KIFAP3: variants seen among roughly 807,000 people sequenced by gnomAD.
The protein encoded by KIFAP3 is kinesin-associated protein 3.
KIFAP3 carries 68 observed loss-of-function variants against 106.5 expected under a neutral mutation model. The ratio of observed to expected loss-of-function variants is 0.64; its 90% CI spans 0.53 to 0.78. The LOEUF is 0.78. Among genes scored for constraint, KIFAP3 ranks in the 30% least tolerant of loss-of-function variants. KIFAP3 has a pLI of 0.00. For synonymous variants in KIFAP3, 320 were observed against 311.5 expected, an observed-to-expected ratio of 1.03 and a Z score of -0.29; for missense variants, 780 against 941.8, an observed-to-expected ratio of 0.83 and a Z score of 2.25.
At chr1:169,992,093 G>C (rs1667134893) in intron 11 of KIFAP3, 62 bp downstream of exon 11, 1 of 743,118 alleles carries the variant, frequency 1.3e-6, no homozygotes, top group African/African-American at 1.9e-5. Context: ...CAAATCAAGA[G>C]AAAAGAGTAA....
chr1:170,047,473 T>C (rs1179569124), intron 2 of KIFAP3, among the ~76,000 whole-genome samples: 1 of 151,676 alleles, frequency 6.6e-6, no homozygotes, highest in African/African-American at 2.4e-5. Context: ...TACAAAAAAT[T>C]TGCCAGGTGT....
At chr1:169,984,079 T>G (rs917928899) in intron 12 of KIFAP3, among the ~76,000 whole-genome samples, 2 of 151,784 alleles carry the variant, frequency 1.3e-5, no homozygotes, top group Non-Finnish European at 3.0e-5. Context: ...CACTAAAATC[T>G]TACCTATGAT....
chr1:170,039,629 G>C lies in KIFAP3; in HGVS notation c.320-341C>G, dbSNP rs539793520. Among the ~76,000 whole-genome samples, 62 of 151,712 alleles carry C rather than the reference G, an allele frequency of 4.1e-4. 1 individual carries two copies. The highest frequency in any genetic ancestry group is 2.3e-3 in the South Asian group (11 of 4,818). ...CTTTCCCTTCCTAATTCAAATTTAA[G>C]GTAGGAATAGGAAAATCAATAAGGC... On this transcript the variant is annotated intron_variant, in intron 3 of 19. Transcript: ENST00000361580.
chr1:169,997,358 T>C (rs1667417134), intron 10 of KIFAP3, among the ~76,000 whole-genome samples: 1 of 151,824 alleles, frequency 6.6e-6, no homozygotes, highest in African/African-American at 2.4e-5. Flanking sequence ...ATGTTGACAA[T>C]AACATTTTTT....
At chr1:170,006,469 T>C (rs1319216337) in intron 10 of KIFAP3, among the ~76,000 whole-genome samples, 3 of 151,962 alleles carry the variant, frequency 2.0e-5, no homozygotes, top group Non-Finnish European at 2.9e-5. Context: ...GGAGGGTGGA[T>C]AGGGGAGGTG....
chr1:170,062,109 C>T (rs1571756563), intron 1 of KIFAP3, among the ~76,000 whole-genome samples: 1 of 151,150 alleles, frequency 6.6e-6, no homozygotes, highest in East Asian at 1.9e-4. Context: ...ATATGTATAC[C>T]TATGTAACAA....
intron 19 of KIFAP3, among the ~76,000 whole-genome samples, chr1:169,947,882 T>C (rs914524282): frequency 1.3e-5 from 2 of 151,490 alleles, no homozygotes; most frequent in Non-Finnish European, 3.0e-5. Flanking sequence ...TGGATATTCA[T>C]TAGTAAATGT....
At chr1:170,060,977 G>A (rs918956388) in intron 1 of KIFAP3, among the ~76,000 whole-genome samples, 2 of 152,140 alleles carry the variant, frequency 1.3e-5, no homozygotes, top group Non-Finnish European at 2.9e-5. Context: ...GCTGAAAACT[G>A]GATCCCTTCC....
chr1:169,938,998 T>C (rs1663959942), intron 19 of KIFAP3, among the ~76,000 whole-genome samples: 2 of 152,164 alleles, frequency 1.3e-5, no homozygotes, highest in African/African-American at 4.8e-5. Context: ...TGTCAAATAA[T>C]GAAGGACTTT....
Position 169,923,886 on chromosome 1 carries a change from A to G in KIFAP3, c.2274-2105T>C, listed in dbSNP as rs144653374. 5.9e-5 allele frequency among the ~76,000 whole-genome samples: 9 copies of G among 152,344 alleles called. No homozygotes were observed. The East Asian group carries it at 1.7e-3, about 29-fold the overall frequency. On this transcript the variant is annotated intron_variant, in intron 19 of 19. Coordinates refer to ENST00000361580, the MANE Select transcript of KIFAP3 (RefSeq NM_014970.4). The stretch of plus-strand genomic sequence containing the variant: ...TGGTGATCTGGTAAGCTATAACACC[A>G]TAAGGAATATCTGGCCTTTTTGCAG...
chr1:170,006,487 C>A (rs554520276), intron 10 of KIFAP3, among the ~76,000 whole-genome samples: 2 of 151,994 alleles, frequency 1.3e-5, no homozygotes, highest in South Asian at 4.2e-4. Flanking sequence ...GTGGGTGGTG[C>A]ACAGGTAGTA....
At chr1:170,032,313 A>T (rs1052934154) in intron 7 of KIFAP3, 3 of 170,140 alleles carry the variant, frequency 1.8e-5, no homozygotes, top group African/African-American at 7.1e-5. Flanking sequence ...CAAGTCTATA[A>T]CTTTCAACAG....
At chr1:169,987,603 C>T (rs1003613913) in intron 11 of KIFAP3, among the ~76,000 whole-genome samples, 1 of 152,028 alleles carries the variant, frequency 6.6e-6, no homozygotes, top group East Asian at 1.9e-4. Flanking sequence ...TAATGGCAGG[C>T]AAGAGCAAAG....
At chr1:170,071,123 T>C (rs1030888702) in intron 1 of KIFAP3, among the ~76,000 whole-genome samples, 8 of 152,338 alleles carry the variant, frequency 5.3e-5, no homozygotes, top group Non-Finnish European at 1.2e-4. Context: ...TGAATTCTTA[T>C]ACATTGCTGG....
chr1:170,040,832 C>CTTT (rs776420489), intron 3 of KIFAP3, among the ~76,000 whole-genome samples: 1 of 142,860 alleles, frequency 7.0e-6, no homozygotes, highest in African/African-American at 2.6e-5. Context: ...TCTATTTTTG[C>CTTT]TTTTTTTTTT....
chr1:169,987,603 C>G (rs1003613913), intron 11 of KIFAP3, among the ~76,000 whole-genome samples: 2 of 152,028 alleles, frequency 1.3e-5, no homozygotes, highest in African/African-American at 4.8e-5. Context: ...TAATGGCAGG[C>G]AAGAGCAAAG....
intron 17 of KIFAP3, among the ~76,000 whole-genome samples, chr1:169,967,140 G>C (rs183661982): frequency 1.6e-4 from 24 of 151,772 alleles, no homozygotes; most frequent in African/African-American, 5.8e-4. Context: ...AGCACATTTG[G>C]GGGACAAATA....
chr1:169,921,619 AC>A lies in KIFAP3; in HGVS notation c.*56del. ...ATTATTAGGCAAAGATCCAAAATTAACCCAACCCACACAGATTTCTTCTAAG... is the reference window on the plus strand; with the variant it reads ...ATTATTAGGCAAAGATCCAAAATTAACCAACCCACACAGATTTCTTCTAAG... On this transcript the variant is annotated 3_prime_UTR_variant, in exon 20 of 20. Coordinates refer to ENST00000361580, the MANE Select transcript of KIFAP3 (RefSeq NM_014970.4). 7.3e-7 allele frequency: 1 copy of A among 1,378,116 alleles called. No homozygotes were observed. Among genetic ancestry groups the A allele is most frequent in the South Asian group, 1.2e-5 (1 of 83,436 alleles). The allele number at this position is 1,378,116 out of a possible 1,614,324, so 85.4% of individuals were successfully genotyped here.
intron 19 of KIFAP3, among the ~76,000 whole-genome samples, chr1:169,936,904 C>T (rs1663836536): frequency 6.7e-6 from 1 of 150,312 alleles, no homozygotes; most frequent in South Asian, 2.1e-4. Flanking sequence ...ATTCTATTTA[C>T]ACTAGAATAA....
Sources: allele counts gnomAD v4.1 joint callset (sites outside exome capture counted in the v4.1 genomes callset), GRCh38; gene constraint gnomAD v4.1.1; transcripts MANE v1.5; gene names NCBI Gene and HGNC (gene_info 2026-07-23, HGNC 2026-07-21).